Variants in GRIN2A observed in about 807,000 individuals in gnomAD.
The protein encoded by GRIN2A is glutamate receptor ionotropic, NMDA 2A.
GRIN2A carries 22 observed loss-of-function variants against 113.4 expected under a neutral mutation model. The observed-to-expected ratio is 0.19, with a 90% CI of 0.14 to 0.28. The LOEUF (loss-of-function observed/expected upper bound fraction) is 0.28, where lower values mean the gene tolerates loss of function less well. GRIN2A is among the 10% of genes least tolerant of loss of function. The pLI is 1.00. For synonymous variants in GRIN2A, 827 were observed against 738.4 expected (o/e 1.12, Z -1.94); for missense variants, 1,502 against 1,887.0 (o/e 0.80, Z 3.78).
Position 9,798,362 on chromosome 16 carries a change from G to A in GRIN2A, c.2271C>T (p.Ala757=), listed in dbSNP as rs372459203. 8.7e-6 allele frequency: 14 copies of A among 1,613,790 alleles called. No individual in the cohort carries two copies. Among genetic ancestry groups the A allele is most frequent in the South Asian group, 1.1e-5 (1 of 91,082 alleles). ...LVTIGSGYIF[A]TTGYGIALQK... is the part of the protein sequence containing the mutation. ...GAAGGGCAATTCCATAACCGGTGGT[G>A]GCAAAGATGTACCCACTCCCGATGG... Residue 757 remains alanine, a synonymous_variant, in exon 11 of 13, where the codon GCC becomes GCT. Transcript: ENST00000330684.
intron 8 of GRIN2A, among the ~76,000 whole-genome samples, chr16:9,831,308 A>G (rs1355605550): frequency 6.6e-6 from 1 of 151,986 alleles, no homozygotes; most frequent in Non-Finnish European, 1.5e-5. Flanking sequence ...GATTTACCTG[A>G]TTATCTGTAT....
chr16:10,103,486 A>G (rs1378783826), intron 2 of GRIN2A, among the ~76,000 whole-genome samples: 1 of 152,236 alleles, frequency 6.6e-6, no homozygotes, highest in Non-Finnish European at 1.5e-5. Flanking sequence ...CAAGGGTATT[A>G]CTAACCCCCA....
intron 2 of GRIN2A, 98 bp downstream of exon 2, chr16:10,179,900 C>CACAAAAAAA: frequency 1.9e-6 from 1 of 534,248 alleles, no homozygotes. Context: ...CCCCACTTCA[C>CACAAAAAAA]ATCAAGACAG....
chr16:10,159,419 T>C (rs2049767849), intron 2 of GRIN2A, among the ~76,000 whole-genome samples: 1 of 152,164 alleles, frequency 6.6e-6, no homozygotes, highest in Non-Finnish European at 1.5e-5. Flanking sequence ...AGGCTACAAC[T>C]GTAGATTGTG....
intron 2 of GRIN2A, chr16:9,970,786 T>A: frequency 5.5e-6 from 5 of 902,082 alleles, no homozygotes; most frequent in Non-Finnish European, 6.6e-6. Flanking sequence ...AGGAGAAATA[T>A]TGGATATATC....
At chr16:9,824,783 A>G (rs2042355502) in intron 9 of GRIN2A, among the ~76,000 whole-genome samples, 1 of 152,066 alleles carries the variant, frequency 6.6e-6, no homozygotes, top group Non-Finnish European at 1.5e-5. Context: ...GTTATCCATT[A>G]TGTTCTATTT....
At chr16:10,023,600 A>G (rs1006771550) in intron 2 of GRIN2A, among the ~76,000 whole-genome samples, 5 of 152,210 alleles carry the variant, frequency 3.3e-5, no homozygotes, top group Non-Finnish European at 5.9e-5. Flanking sequence ...AATAGATGTG[A>G]AGGAATTAAA....
At position 10,041,517 on chromosome 16, in the gene GRIN2A, A is replaced by G. The variant is rs576062649; in HGVS notation, c.415-102966T>C. Among the ~76,000 whole-genome samples the G allele has an allele frequency of 3.9e-5, 6 of 152,290 alleles. No individual in the cohort carries two copies. In the South Asian group the frequency reaches 8.3e-4, roughly 21 times the overall value. On this transcript the variant is annotated intron_variant, in intron 2 of 12. Transcript: ENST00000330684. ...AAGGTGGTGTCCCCTCAGTTCTTTA[A>G]AACACAAGTATCTCTTAGGTAAGGG...
chr16:9,976,283 T>C (rs781561254), intron 2 of GRIN2A, among the ~76,000 whole-genome samples: 1 of 152,218 alleles, frequency 6.6e-6, no homozygotes, highest in Non-Finnish European at 1.5e-5. Context: ...TAACTGGGGC[T>C]GTGTACCACC....
At chr16:9,796,889 A>G (rs562614071) in intron 11 of GRIN2A, among the ~76,000 whole-genome samples, 2 of 152,362 alleles carry the variant, frequency 1.3e-5, no homozygotes, top group African/African-American at 4.8e-5. Flanking sequence ...TCATTATTAC[A>G]CAGCAGAGAA....
intron 4 of GRIN2A, among the ~76,000 whole-genome samples, chr16:9,876,001 G>A (rs897878060): frequency 6.6e-6 from 1 of 152,166 alleles, no homozygotes; most frequent in Non-Finnish European, 1.5e-5. Flanking sequence ...TAGCTTCTCT[G>A]TCATAATGTA....
At chr16:9,766,434 A>G (rs1430401635) in intron 12 of GRIN2A, among the ~76,000 whole-genome samples, 1 of 152,170 alleles carries the variant, frequency 6.6e-6, no homozygotes, top group Non-Finnish European at 1.5e-5. Context: ...TACAGTTGCA[A>G]GTTTGAGCTG....
intron 9 of GRIN2A, among the ~76,000 whole-genome samples, chr16:9,827,812 T>C (rs901555564): frequency 2.6e-4 from 40 of 151,932 alleles, no homozygotes; most frequent in Non-Finnish European, 1.5e-5. Context: ...CCAGCAAGAG[T>C]GTCCTGAGCA....
chr16:10,033,543 T>A (rs752188848), intron 2 of GRIN2A: 12 of 152,230 alleles, frequency 7.9e-5, no homozygotes, highest in Non-Finnish European at 1.3e-4. Flanking sequence ...CTAAATGTGT[T>A]TGGGCAAGTC....
chr16:9,782,242 A>G (rs1268355614), intron 11 of GRIN2A, among the ~76,000 whole-genome samples: 1 of 152,178 alleles, frequency 6.6e-6, no homozygotes, highest in Non-Finnish European at 1.5e-5. Flanking sequence ...CGGTGTAACA[A>G]CTATTTAGAT....
chr16:10,167,094 C>T (rs34514934), intron 2 of GRIN2A, among the ~76,000 whole-genome samples: 1 of 150,558 alleles, frequency 6.6e-6, no homozygotes, highest in Non-Finnish European at 1.5e-5. Context: ...GTTAATGCAA[C>T]TAGCGCCTGC....
In GRIN2A at chr16:9,958,585, GGT is replaced by G. The variant is rs376953705; in HGVS notation, c.415-20036_415-20035del. Among the ~76,000 whole-genome samples, 246 of 152,170 alleles carry G rather than the reference GGT, an allele frequency of 1.6e-3. 1 individual carries two copies. The highest frequency in any genetic ancestry group is 2.9e-3 in the Non-Finnish European group (199 of 68,008). ...TTCTGAAGCAAATAGTCTGCAAATT[GGT>G]ACTAGGACAGACCCCATGGGATGGA... On this transcript the variant is annotated intron_variant, in intron 2 of 12. Transcript: ENST00000330684.
chr16:9,896,944 TG>T (rs749502575), intron 3 of GRIN2A, among the ~76,000 whole-genome samples: 5 of 152,364 alleles, frequency 3.3e-5, no homozygotes, highest in African/African-American at 4.8e-5. Flanking sequence ...GTCATTGTTT[TG>T]CTTATCTCTA....
At chr16:9,790,152 GA>G (rs1902518530) in intron 11 of GRIN2A, among the ~76,000 whole-genome samples, 1 of 152,186 alleles carries the variant, frequency 6.6e-6, no homozygotes, top group South Asian at 2.1e-4. Flanking sequence ...TTATGATTTG[GA>G]TGGGGCTGCT....
Sources: gnomAD v4.1 joint callset for allele counts (sites outside exome capture counted in the v4.1 genomes callset) on GRCh38, gnomAD v4.1.1 for gene constraint, MANE v1.5 for transcripts, NCBI Gene and HGNC (gene_info 2026-07-23, HGNC 2026-07-21) for gene names.